CCT2: variants seen among roughly 807,000 people sequenced by gnomAD.
The protein encoded by CCT2 is chaperonin containing TCP1 subunit 2, also known as T-complex protein 1 subunit beta.
CCT2 carries 18 observed loss-of-function variants against 61.8 expected under a neutral mutation model. The ratio of observed to expected loss-of-function variants is 0.29; its 90% CI spans 0.20 to 0.43. CCT2 has a LOEUF of 0.43. Among genes scored for constraint, CCT2 ranks in the 20% least tolerant of loss-of-function variants. The pLI is 1.00. For synonymous variants in CCT2, 248 were observed against 215.9 expected, an observed-to-expected ratio of 1.15 and a Z score of -1.30; for missense variants, 556 against 656.9, an observed-to-expected ratio of 0.85 and a Z score of 1.68.
intron 9 of CCT2, among the ~76,000 whole-genome samples, 182 bp downstream of exon 9, chr12:69,593,285 A>T (rs1028063555): frequency 6.6e-6 from 1 of 152,214 alleles, no homozygotes; most frequent in Non-Finnish European, 1.5e-5. Context: ...GAATTACGGG[A>T]TTGATTTATA....
chr12:69,588,355 A>C lies in CCT2; in HGVS notation c.446+93A>C, dbSNP rs12300031. Reference sequence around the variant, plus strand: ...ATCTATAGGACACTGAAAAGCATACACAAAGATCATCTTGCTGCCTCACCC... The same window carrying C: ...ATCTATAGGACACTGAAAAGCATACCCAAAGATCATCTTGCTGCCTCACCC... On this transcript the variant is annotated intron_variant, in intron 6 of 15. Coordinates refer to ENST00000299300, the MANE Select transcript of CCT2 (RefSeq NM_006431.3). 7.0e-3 allele frequency: 6,090 copies of C among 868,826 alleles called. 235 individuals carry two copies. The African/African-American group carries it at 0.089, about 13-fold the overall frequency. The allele number at this position is 868,826 out of a possible 1,614,324, so 53.8% of individuals were successfully genotyped here. A position where few individuals can be genotyped will look rare whatever the true frequency, so the allele number is the denominator to read the frequency against.
At chr12:69,600,855 C>G (rs1395910552) in intron 15 of CCT2, among the ~76,000 whole-genome samples, 1 of 152,150 alleles carries the variant, frequency 6.6e-6, no homozygotes, top group Admixed American at 6.5e-5. Flanking sequence ...TCCCATCTTT[C>G]CAAAAGATTG....
chr12:69,597,555 C>A, intron 11 of CCT2, 83 bp from the exon 12 acceptor site: 1 of 1,399,542 alleles, frequency 7.1e-7, no homozygotes, highest in Non-Finnish European at 9.9e-7. Context: ...GCTTTCAGAA[C>A]CCAGTAATAT....
chr12:69,597,621 G>C lies in CCT2; in HGVS notation c.1103-17G>C. ...AACTTTTTATCCCTAAGTGGTCACT[G>C]TGTCTTTTAATTTTAGGTGAGGCTT... On this transcript the variant is annotated splice_polypyrimidine_tract_variant and intron_variant, in intron 11 of 15. Transcript: ENST00000299300. 6.2e-7 allele frequency: 1 copy of C among 1,609,296 alleles called. No individual in the cohort carries two copies. Among genetic ancestry groups the C allele is most frequent in the South Asian group, 1.1e-5 (1 of 89,748 alleles).
Position 69,586,625 on chromosome 12 carries a change from G to C in CCT2, c.79-128G>C, listed in dbSNP as rs1203187357. 37 of 710,096 alleles carry C rather than the reference G, an allele frequency of 5.2e-5. No individual in the cohort carries two copies. The East Asian group carries it at 9.5e-4, about 18-fold the overall frequency. 44.0% of individuals were successfully genotyped at this position (710,096 alleles called of 1,614,324 possible). ...GGAGGTTGCAGTGAGCTGAGATCGC[G>C]CCATTGCACTCCAGCCTGGGCGACA... is the stretch of plus-strand genomic sequence containing the variant. On this transcript the variant is annotated intron_variant, in intron 2 of 15. Transcript: ENST00000299300.
rs770956335 is a variant in CCT2 at position 69,597,194 on chromosome 12, G to A, written c.1021G>A (p.Val341Met). Residue 341 changes from valine to methionine, a missense_variant, in exon 11 of 16, where the codon GTG becomes ATG. Physicochemically the swap from Val to Met is conservative, Grantham distance 21. Around this residue, in one of 3 missense-constraint regions of CCT2, gnomAD observed 225 missense variants for 249.8 expected, o/e 0.90. Coordinates refer to ENST00000299300, the MANE Select transcript of CCT2 (RefSeq NM_006431.3). ...CTCTACCTTTGATCACCCAGAACTG[G>A]TGAAGCTTGGAAGTTGCAAACTTAT... ...IASTFDHPEL[V>M]KLGSCKLIEE... The A allele has an allele frequency of 4.3e-6, 7 of 1,613,944 alleles. No homozygotes were observed. Among genetic ancestry groups the A allele is most frequent in the Non-Finnish European group, 4.2e-6 (5 of 1,179,852 alleles).
chr12:69,585,690 C>T (rs1209539953), intron 1 of CCT2, 166 bp downstream of exon 1: 3 of 1,504,856 alleles, frequency 2.0e-6, no homozygotes, highest in Non-Finnish European at 2.7e-6. Context: ...CCAGGCCAGC[C>T]GGTGGAGCTC....
At chr12:69,600,179 A>G (rs1479402745) in intron 15 of CCT2, among the ~76,000 whole-genome samples, 175 bp downstream of exon 15, 1 of 152,266 alleles carries the variant, frequency 6.6e-6, no homozygotes, top group Non-Finnish European at 1.5e-5. Context: ...CTTAAGGGGA[A>G]AGAGGGATGG....
intron 11 of CCT2, 131 bp downstream of exon 11, chr12:69,597,406 T>C: frequency 1.7e-6 from 2 of 1,204,274 alleles, no homozygotes; most frequent in Non-Finnish European, 2.4e-6. Context: ...ATACATACTT[T>C]GTTTCAGTCT....
At chr12:69,597,011 TAA>T (rs768390305) in intron 10 of CCT2, 143 bp from the exon 11 acceptor site, 283 of 625,336 alleles carry the variant, frequency 4.5e-4, no homozygotes, top group Non-Finnish European at 6.2e-4. Flanking sequence ...ATGAAGTATT[TAA>T]AAAGAGTGCC....
chr12:69,585,978 A>G, intron 1 of CCT2: 1 of 1,313,534 alleles, frequency 7.6e-7, no homozygotes, highest in Non-Finnish European at 9.7e-7. Context: ...TCCCTGCCTC[A>G]TTCTTAGTTC....
intron 15 of CCT2, among the ~76,000 whole-genome samples, chr12:69,600,292 T>C (rs1882113268): frequency 6.6e-6 from 1 of 152,206 alleles, no homozygotes; most frequent in Non-Finnish European, 1.5e-5. Context: ...CTATTGTCTT[T>C]AAACAGAATG....
intron 6 of CCT2, 64 bp downstream of exon 6, chr12:69,588,326 A>T: frequency 8.7e-7 from 1 of 1,146,568 alleles, no homozygotes; most frequent in South Asian, 1.3e-5. Flanking sequence ...GCTTAATGCA[A>T]GAAATCTATA....
At chr12:69,585,567 C>G (rs761999593) in intron 1 of CCT2, 43 bp downstream of exon 1, 20 of 1,562,988 alleles carry the variant, frequency 1.3e-5, no homozygotes, top group Non-Finnish European at 1.6e-5. Flanking sequence ...CCTGCTCCGC[C>G]GTGCTCTTGC....
At chr12:69,586,911 T>C in intron 3 of CCT2, 93 bp downstream of exon 3, 1 of 742,898 alleles carries the variant, frequency 1.3e-6, no homozygotes, top group East Asian at 2.9e-5. Context: ...TTTTTAATCT[T>C]TAAAACGTTT....
At chr12:69,593,807 G>A (rs533568733) in intron 10 of CCT2, among the ~76,000 whole-genome samples, 194 bp downstream of exon 10, 9 of 152,108 alleles carry the variant, frequency 5.9e-5, no homozygotes, top group South Asian at 2.1e-4. Flanking sequence ...CACATTTGCC[G>A]TAGGTATAGA....
At position 69,598,330 on chromosome 12, in the gene CCT2, C is replaced by T; in HGVS notation, c.1344C>T (p.Thr448=). 6.3e-7 allele frequency: 1 copy of T among 1,583,662 alleles called. No individual in the cohort carries two copies. Among genetic ancestry groups the T allele is most frequent in the South Asian group, 1.2e-5 (1 of 85,372 alleles). The change falls in exon 14 of 16, where the codon ACC becomes ACT. Residue 448 remains threonine (T), a synonymous_variant. Coordinates refer to ENST00000299300, the MANE Select transcript of CCT2 (RefSeq NM_006431.3). ...TTTCTTCATTTTCATAGTTGCCAACCATCATAGCTGACAATGCAGGCTATG... is the reference window on the plus strand; with the variant it reads ...TTTCTTCATTTTCATAGTTGCCAACTATCATAGCTGACAATGCAGGCTATG... ...SYAKALRMLP[T]IIADNAGYDS...
intron 6 of CCT2, among the ~76,000 whole-genome samples, chr12:69,588,849 G>A (rs1565798467): frequency 1.3e-5 from 2 of 152,134 alleles, no homozygotes; most frequent in Non-Finnish European, 2.9e-5. Context: ...AAAAGGTCCG[G>A]GACCACTGTT....
intron 3 of CCT2, among the ~76,000 whole-genome samples, chr12:69,587,300 G>T (rs1278996388): frequency 6.6e-6 from 1 of 152,122 alleles, no homozygotes; most frequent in Non-Finnish European, 1.5e-5. Flanking sequence ...ACAAAAACTA[G>T]TGTCTACCTG....
Sources: allele counts gnomAD v4.1 joint callset (sites outside exome capture counted in the v4.1 genomes callset), GRCh38; gene constraint gnomAD v4.1.1; regional missense constraint gnomAD v4.1.1; transcripts MANE v1.5; gene names NCBI Gene and HGNC (gene_info 2026-07-23, HGNC 2026-07-21).